Variants in C1S observed in about 807,000 individuals in gnomAD.
C1S encodes complement C1s subcomponent.
A neutral mutation model predicts 54.0 loss-of-function variants in C1S; 31 were observed. The observed-to-expected ratio is 0.57, with a 90% CI of 0.43 to 0.78. C1S has a LOEUF of 0.78. Among genes scored for constraint, C1S ranks in the 30% least tolerant of loss-of-function variants. C1S has a pLI of 0.00. For missense variants in C1S, 727 were observed against 851.8 expected, an observed-to-expected ratio of 0.85 and a Z score of 1.82; for synonymous variants, 292 against 303.6, an observed-to-expected ratio of 0.96 and a Z score of 0.40.
intron 4 of C1S, chr12:7,063,900 G>A (rs935226810): frequency 5.2e-5 from 22 of 426,276 alleles, no homozygotes; most frequent in South Asian, 8.5e-5. Context: ...GTGGTGGTGC[G>A]TGCTTGTGTT....
At position 7,065,837 on chromosome 12, in the gene C1S, A is replaced by G. The variant is rs1555162117; in HGVS notation, c.738A>G (p.Gln246=). 5 of 1,612,718 alleles carry G rather than the reference A, an allele frequency of 3.1e-6. No homozygotes were observed. Among genetic ancestry groups the G allele is most frequent in the East Asian group, 2.2e-5 (1 of 44,878 alleles). Residue 246 remains glutamine (Q), a synonymous_variant, in exon 7 of 12, where the codon CAA becomes CAG. Coordinates refer to ENST00000360817, the MANE Select transcript of C1S (RefSeq NM_001734.5). The part of the protein sequence containing the change: ...DSLVFVAGDR[Q]FGPYCGHGFP... ...TTCAGTTTGTTGCAGGAGATCGGCA[A>G]TTTGGTCCTTACTGTGGTCATGGAT...
At chr12:7,063,311 A>G (rs1947124687) in intron 4 of C1S, 7 of 558,518 alleles carry the variant, frequency 1.3e-5, no homozygotes, top group South Asian at 6.9e-5. Flanking sequence ...GAGAGCCACT[A>G]TAAACTGGGT....
Position 7,064,309 on chromosome 12 carries a change from A to G in C1S, c.434A>G (p.His145Arg). The G allele has an allele frequency of 3.7e-6, 6 of 1,613,968 alleles. No individual in the cohort carries two copies. The highest frequency in any genetic ancestry group is 5.1e-6 in the Non-Finnish European group (6 of 1,179,882). The change falls in exon 5 of 12, where the codon CAC (histidine) becomes CGC (arginine). Residue 145 changes from histidine (H) to arginine (R), a missense_variant. By Grantham distance (29) the His-to-Arg change is conservative. This residue lies in a region of C1S where 357 missense variants were observed against 365.4 expected (regional missense o/e 0.98). Transcript: ENST00000360817. ...CTDFVDVPCS[H>R]FCNNFIGGYF... Reference sequence around the variant, plus strand: ...GATTTTGTAGATGTCCCTTGTAGCCACTTCTGCAACAATTTCATTGGTGGT... The same window carrying G: ...GATTTTGTAGATGTCCCTTGTAGCCGCTTCTGCAACAATTTCATTGGTGGT...
intron 9 of C1S, chr12:7,067,361 G>C (rs139150464): frequency 1.6e-5 from 10 of 625,542 alleles, no homozygotes; most frequent in African/African-American, 1.5e-4. Flanking sequence ...GTAGCCCCAC[G>C]TGGGTGCATT....
chr12:7,068,172 C>T (rs1237406388), intron 10 of C1S, among the ~76,000 whole-genome samples: 1 of 152,246 alleles, frequency 6.6e-6, no homozygotes, highest in Non-Finnish European at 1.5e-5. Flanking sequence ...GAATGAGACC[C>T]TAATACGTTC....
At chr12:7,065,351 TCC>T (rs2135724385) in intron 6 of C1S, 52 bp downstream of exon 6, 1 of 1,438,922 alleles carries the variant, frequency 6.9e-7, no homozygotes, top group Non-Finnish European at 9.8e-7. Context: ...GAGAGATCTC[TCC>T]CTGAAGACAA....
rs138066211 is a variant in C1S, at chr12:7,068,415, TGTG to T, written c.1196-34_1196-32del. The T allele has an allele frequency of 4.4e-3, 6,191 of 1,401,242 alleles. 22 individuals carry two copies. Among genetic ancestry groups the T allele is most frequent in the Non-Finnish European group, 5.5e-3 (5,413 of 985,938 alleles). The allele number at this position is 1,401,242 out of a possible 1,614,324, so 86.8% of individuals were successfully genotyped here. ...GGAGGGGGGAATGGAAGAAGGAAGA[TGTG>T]GTGGTGAGTGTGGCCTGTGTTCTCT... is the stretch of plus-strand genomic sequence containing the variant. On this transcript the variant is annotated intron_variant, in intron 10 of 11. Transcript: ENST00000360817.
chr12:7,062,286 AG>A, intron 2 of C1S, 188 bp from the exon 3 acceptor site: 1 of 563,168 alleles, frequency 1.8e-6, no homozygotes, highest in Non-Finnish European at 3.2e-6. Flanking sequence ...AAAAAAAAAA[AG>A]GGCTCTTGTC....
intron 5 of C1S, among the ~76,000 whole-genome samples, 155 bp from the exon 6 acceptor site, chr12:7,064,945 A>C (rs1555161861): frequency 6.6e-6 from 1 of 152,184 alleles, no homozygotes; most frequent in Admixed American, 6.5e-5. Context: ...TACGTATTGC[A>C]CGTGTAATTG....
At position 7,063,076 on chromosome 12, in the gene C1S, C is replaced by A. The variant is rs201865403; in HGVS notation, c.391+9C>A. 1 of 1,610,892 alleles carries A rather than the reference C, an allele frequency of 6.2e-7. No individual in the cohort carries two copies. The highest frequency in any genetic ancestry group is 8.5e-7 in the Non-Finnish European group (1 of 1,179,276). ...ATACTATGTTGCCACAGGTAAGGCT[C>A]ACCCTTCTGCATGTGCCTTATTGAC... is the stretch of plus-strand genomic sequence containing the variant. On this transcript the variant is annotated intron_variant, in intron 4 of 11. Coordinates refer to ENST00000360817, the MANE Select transcript of C1S (RefSeq NM_001734.5).
chr12:7,067,972 T>C (rs1178070745), intron 10 of C1S, among the ~76,000 whole-genome samples: 78 of 152,208 alleles, frequency 5.1e-4, no homozygotes, highest in Admixed American at 4.8e-3. Context: ...CAGGGAATCA[T>C]AGAGGTCACC....
Position 7,064,823 on chromosome 12 carries a change from G to A in C1S, c.518-277G>A, listed in dbSNP as rs1425441264. On this transcript the variant is annotated intron_variant, in intron 5 of 11. Coordinates refer to ENST00000360817, the MANE Select transcript of C1S (RefSeq NM_001734.5). ...ACTATAGGGTAAAGTTAGTTAATTG[G>A]ATAAGAGAGATAGATGCCTGTAAAG... Among the ~76,000 whole-genome samples, 5 of 152,166 alleles carry A rather than the reference G, an allele frequency of 3.3e-5. No individual in the cohort carries two copies. In the East Asian group the frequency reaches 9.6e-4, roughly 29 times the overall value.
chr12:7,062,790 T>C, intron 3 of C1S, 100 bp from the exon 4 acceptor site: 3 of 1,498,742 alleles, frequency 2.0e-6, no homozygotes, highest in Non-Finnish European at 2.8e-6. Flanking sequence ...TGGAGTCAAG[T>C]CCTAGTGGCA....
chr12:7,066,517 G>A lies in C1S; in HGVS notation c.872-1G>A, dbSNP rs1555162249. On this transcript the variant is annotated splice_acceptor_variant, in intron 7 of 11. Transcript: ENST00000360817. LOFTEE classifies it high-confidence loss of function. Reference sequence around the variant, plus strand: ...CCTGTCCCAACTTCTGTTCTTTCAAGCAATGCCCTGCCCTAAGGAAGACAC... The same window carrying A: ...CCTGTCCCAACTTCTGTTCTTTCAAACAATGCCCTGCCCTAAGGAAGACAC... The A allele has an allele frequency of 1.3e-6, 2 of 1,584,260 alleles. No homozygotes were observed. Among genetic ancestry groups the A allele is most frequent in the African/African-American group, 1.3e-5 (1 of 74,370 alleles).
At chr12:7,068,710 G>A (rs186435296) in intron 11 of C1S, 180 bp downstream of exon 11, 12 of 603,770 alleles carry the variant, frequency 2.0e-5, no homozygotes, top group South Asian at 7.8e-5. Flanking sequence ...CTCCTCAGCC[G>A]CACTGAAGCC....
rs1409908822 is a variant in C1S at position 7,067,706 on chromosome 12, T to C, written c.1130T>C (p.Leu377Ser). The C allele has an allele frequency of 6.2e-7, 1 of 1,614,016 alleles. No homozygotes were observed. Among genetic ancestry groups the C allele is most frequent in the Non-Finnish European group, 8.5e-7 (1 of 1,179,884 alleles). The change falls in exon 10 of 12, where the codon TTG becomes TCG. Residue 377 changes from leucine to serine, a missense_variant. Around this residue, in one of 3 missense-constraint regions of C1S, gnomAD observed 360 missense variants for 453.6 expected, o/e 0.79. Coordinates refer to ENST00000360817, the MANE Select transcript of C1S (RefSeq NM_001734.5). Reference protein sequence around the residue: ...NGKVEDPESTLFGSVIRYTCE... With the variant: ...NGKVEDPESTSFGSVIRYTCE... ...AAAGTTGAAGACCCAGAGAGCACTT[T>C]GTTTGGTTCTGTCATCCGCTACACT... is the stretch of plus-strand genomic sequence containing the variant.
chr12:7,061,515 A>G, intron 1 of C1S: 1 of 354,650 alleles, frequency 2.8e-6, no homozygotes, highest in South Asian at 2.3e-5. Flanking sequence ...AGGGCAGGAG[A>G]GAGACTGATA....
At chr12:7,066,917 G>A in intron 8 of C1S, 122 bp from the exon 9 acceptor site, 2 of 784,634 alleles carry the variant, frequency 2.5e-6, no homozygotes, top group Non-Finnish European at 4.5e-6. Flanking sequence ...CTGCTAAGAT[G>A]TTCCCAAGCT....
rs781968975 is a variant in C1S at position 7,065,500 on chromosome 12, C to T, written c.717+201C>T. 45 of 662,632 alleles carry T rather than the reference C, an allele frequency of 6.8e-5. No individual in the cohort carries two copies. The Middle Eastern group carries it at 9.2e-4, about 14-fold the overall frequency. The allele number at this position is 662,632 out of a possible 1,614,324, so 41.0% of individuals were successfully genotyped here. On this transcript the variant is annotated intron_variant, in intron 6 of 11. Transcript: ENST00000360817. ...CCTCCTGAGTAGCTGGGCCCACAGA[C>T]GTGTGTCATCAAACCCAGCTAATAT...
Sources: gnomAD v4.1 joint callset for allele counts (sites outside exome capture counted in the v4.1 genomes callset) on GRCh38, gnomAD v4.1.1 for gene constraint, gnomAD v4.1.1 regional missense constraint, MANE v1.5 for transcripts, NCBI Gene and HGNC (gene_info 2026-07-23, HGNC 2026-07-21) for gene names.